The following TMTC1 variants were observed in gnomAD, a reference collection of about 807,000 sequenced individuals.
The protein encoded by TMTC1 is transmembrane O-mannosyltransferase targeting cadherins 1.
TMTC1 carries 73 observed loss-of-function variants against 104.8 expected under a neutral mutation model. The ratio of observed to expected loss-of-function variants is 0.70; its 90% CI spans 0.58 to 0.85. TMTC1 has a LOEUF of 0.85. Among genes scored for constraint, TMTC1 ranks in the 40% least tolerant of loss-of-function variants. The probability of loss-of-function intolerance (pLI) is 0.00; values close to 1 mark genes in which losing one functional copy is unlikely to be tolerated. For synonymous variants in TMTC1, 434 were observed against 428.7 expected (o/e 1.01, Z -0.15); for missense variants, 1,035 against 1,096.1 (o/e 0.94, Z 0.79).
intron 5 of TMTC1, among the ~76,000 whole-genome samples, chr12:29,656,152 A>G (rs1194604725): frequency 1.3e-5 from 2 of 152,086 alleles, no homozygotes; most frequent in East Asian, 3.9e-4. Flanking sequence ...CACTTTAAGA[A>G]TCACCAGCCT....
chr12:29,574,765 C>T (rs567033538), intron 8 of TMTC1, among the ~76,000 whole-genome samples: 3 of 152,312 alleles, frequency 2.0e-5, no homozygotes, highest in African/African-American at 7.2e-5. Context: ...ACATTTAACC[C>T]TCATCACTTC....
chr12:29,516,514 G>T (rs201318590), intron 14 of TMTC1, 28 bp from the exon 15 acceptor site: 1 of 1,602,732 alleles, frequency 6.2e-7, no homozygotes, highest in African/African-American at 1.3e-5. Context: ...CCTTGGCTTA[G>T]CAGAGACTTC....
chr12:29,582,178 A>G (rs2136326426), intron 8 of TMTC1, among the ~76,000 whole-genome samples: 1 of 152,342 alleles, frequency 6.6e-6, no homozygotes. Flanking sequence ...AATCAAACAC[A>G]TTATTTTAAA....
chr12:29,579,563 G>T (rs1232867630), intron 8 of TMTC1, among the ~76,000 whole-genome samples: 1 of 152,164 alleles, frequency 6.6e-6, no homozygotes, highest in East Asian at 1.9e-4. Context: ...GTTCAGGAAT[G>T]GGATTTAGAG....
At chr12:29,671,221 G>A (rs1013643842) in intron 5 of TMTC1, among the ~76,000 whole-genome samples, 1 of 151,194 alleles carries the variant, frequency 6.6e-6, no homozygotes, top group South Asian at 2.1e-4. Context: ...ACCTGAACCT[G>A]GGAGGCCTCC....
intron 5 of TMTC1, among the ~76,000 whole-genome samples, chr12:29,655,290 C>T (rs11050339): frequency 0.25 from 37,431 of 151,978 alleles, 4,802 homozygotes; most frequent in African/African-American, 0.32. Context: ...CATATACAAG[C>T]TGAATTTAAA....
chr12:29,781,965 C>T (rs1424794892), intron 1 of TMTC1, among the ~76,000 whole-genome samples: 1 of 152,256 alleles, frequency 6.6e-6, no homozygotes, highest in African/African-American at 2.4e-5. Context: ...TTGAAAAATA[C>T]TCAGACCTGT....
intron 1 of TMTC1, among the ~76,000 whole-genome samples, chr12:29,781,010 C>T (rs994041401): frequency 1.3e-5 from 2 of 152,166 alleles, no homozygotes; most frequent in South Asian, 4.1e-4. Context: ...AGTATCTAGG[C>T]CAATGCTTGG....
intron 1 of TMTC1, among the ~76,000 whole-genome samples, chr12:29,781,104 A>C (rs1943825360): frequency 1.3e-5 from 1 of 78,304 alleles, no homozygotes; most frequent in South Asian, 5.7e-4. Flanking sequence ...AATCACTGAT[A>C]TCCTCCAGCT....
At chr12:29,708,038 T>C (rs773892210) in intron 5 of TMTC1, among the ~76,000 whole-genome samples, 44 of 152,228 alleles carry the variant, frequency 2.9e-4, no homozygotes, top group Non-Finnish European at 5.6e-4. Flanking sequence ...GATGTCCTCA[T>C]TCAAGGAATA....
chr12:29,534,477 A>G (rs962066764), intron 11 of TMTC1: 1 of 152,264 alleles, frequency 6.6e-6, no homozygotes, highest in Non-Finnish European at 1.5e-5. Flanking sequence ...GTTGTTCTTA[A>G]CAATTGTTCA....
chr12:29,502,482 A>G lies in TMTC1; in HGVS notation c.*4364T>C, dbSNP rs1469424094. The G allele has an allele frequency of 3.3e-5, 5 of 152,176 alleles. No individual in the cohort carries two copies. The highest frequency in any genetic ancestry group is 4.8e-5 in the African/African-American group (2 of 41,436). 9.4% of individuals were successfully genotyped at this position (152,176 alleles called of 1,614,324 possible). A position where few individuals can be genotyped will look rare whatever the true frequency, so the allele number is the denominator to read the frequency against. On this transcript the variant is annotated 3_prime_UTR_variant, in exon 18 of 18. Transcript: ENST00000539277. ...TATGAGTCACGAAAATATCAGTCAT[A>G]TATATACTGGCACTTAGTCTGGTAC...
intron 11 of TMTC1, among the ~76,000 whole-genome samples, chr12:29,523,966 T>C (rs1178519884): frequency 2.6e-5 from 4 of 152,178 alleles, no homozygotes; most frequent in Non-Finnish European, 5.9e-5. Flanking sequence ...TTCCTTTTGG[T>C]TATGATTTTA....
At chr12:29,705,833 T>G (rs541503586) in intron 5 of TMTC1, among the ~76,000 whole-genome samples, 1 of 152,158 alleles carries the variant, frequency 6.6e-6, no homozygotes, top group South Asian at 2.1e-4. Flanking sequence ...CTACACTAGG[T>G]CTAGCCTGCC....
At chr12:29,603,878 C>T (rs1470002564) in intron 7 of TMTC1, among the ~76,000 whole-genome samples, 1 of 152,248 alleles carries the variant, frequency 6.6e-6, no homozygotes, top group African/African-American at 2.4e-5. Context: ...TAATAACACC[C>T]ATTTAGACAT....
At chr12:29,536,749 G>T (rs1944656813) in intron 10 of TMTC1, among the ~76,000 whole-genome samples, 1 of 149,572 alleles carries the variant, frequency 6.7e-6, no homozygotes, top group Non-Finnish European at 1.5e-5. Flanking sequence ...AGCTCCTAGG[G>T]TGGCTGTACC....
intron 11 of TMTC1, 28 bp downstream of exon 11, chr12:29,536,181 G>GA (rs376468800): frequency 3.5e-6 from 5 of 1,413,606 alleles, no homozygotes; most frequent in South Asian, 2.3e-5. Flanking sequence ...CAATAACATT[G>GA]AAAAAAACTA....
Position 29,516,457 on chromosome 12 carries a change from T to C in TMTC1, c.2199A>G (p.Thr733=), listed in dbSNP as rs765182167. The C allele has an allele frequency of 5.0e-6, 8 of 1,613,918 alleles. No homozygotes were observed. In the Admixed American group the frequency reaches 1.0e-4, roughly 20 times the overall value. ...GATTGGTCATCTTTTCAGCTTCTTTTGTCTGACCCATCACGGCCAAAACCT... is the reference window on the plus strand; with the variant it reads ...GATTGGTCATCTTTTCAGCTTCTTTCGTCTGACCCATCACGGCCAAAACCT... ...LAQVLAVMGQ[T]KEAEKMTNHI... is the part of the protein sequence containing the mutation. The change falls in exon 15 of 18, where the codon ACA becomes ACG. Residue 733 remains threonine, a synonymous_variant. Coordinates refer to ENST00000539277, the MANE Select transcript of TMTC1 (RefSeq NM_001193451.2).
At chr12:29,614,128 AC>A (rs1946916964) in intron 6 of TMTC1, among the ~76,000 whole-genome samples, 1 of 152,186 alleles carries the variant, frequency 6.6e-6, no homozygotes, top group Admixed American at 6.5e-5. Flanking sequence ...CTTTAAGGAT[AC>A]TACACATGAA....
Sources: gnomAD v4.1 joint callset for allele counts (sites outside exome capture counted in the v4.1 genomes callset) on GRCh38, gnomAD v4.1.1 for gene constraint, MANE v1.5 for transcripts, NCBI Gene and HGNC (gene_info 2026-07-23, HGNC 2026-07-21) for gene names.